The following SIAH3 variants were observed in gnomAD, a reference collection of about 807,000 sequenced individuals.
SIAH3 encodes seven in absentia homolog 3.
In SIAH3, 9 loss-of-function variants were observed where a neutral mutation model predicts 12.6. That is an observed-to-expected ratio of 0.72 (90% confidence interval 0.43 to 1.25). The LOEUF (loss-of-function observed/expected upper bound fraction) is 1.25. Ranked by LOEUF, SIAH3 falls within the 50% of genes most tolerant of loss-of-function variation. The probability of loss-of-function intolerance (pLI) is 0.00; values close to 1 mark genes in which losing one functional copy is unlikely to be tolerated. For missense variants in SIAH3, 390 were observed against 365.4 expected, an observed-to-expected ratio of 1.07 and a Z score of -0.55; for synonymous variants, 154 against 151.1, an observed-to-expected ratio of 1.02 and a Z score of -0.14.
At chr13:45,840,667 C>T (rs905662088) in intron 1 of SIAH3, among the ~76,000 whole-genome samples, 5 of 152,104 alleles carry the variant, frequency 3.3e-5, no homozygotes, top group Admixed American at 6.5e-5. Context: ...TTGCCCACCC[C>T]GAGCCGGAGC....
At chr13:45,794,138 G>A (rs549268232) in intron 1 of SIAH3, among the ~76,000 whole-genome samples, 3 of 150,958 alleles carry the variant, frequency 2.0e-5, no homozygotes, top group Admixed American at 1.3e-4. Flanking sequence ...TGTCACCCAG[G>A]CTGGAGTACA....
intron 1 of SIAH3, among the ~76,000 whole-genome samples, chr13:45,835,188 A>C (rs1310129838): frequency 1.3e-5 from 2 of 152,172 alleles, no homozygotes; most frequent in Non-Finnish European, 2.9e-5. Flanking sequence ...AAAAAAGCCA[A>C]ACTTTGGTAT....
chr13:45,830,159 ACAGT>A, intron 1 of SIAH3, among the ~76,000 whole-genome samples: 1 of 152,326 alleles, frequency 6.6e-6, no homozygotes, highest in Admixed American at 6.5e-5. Flanking sequence ...TCCCTTGGAA[ACAGT>A]CAGCTGTAGC....
intron 1 of SIAH3, among the ~76,000 whole-genome samples, chr13:45,819,678 G>A (rs942480015): frequency 2.0e-5 from 3 of 152,094 alleles, no homozygotes; most frequent in Non-Finnish European, 2.9e-5. Flanking sequence ...CCTGCATGTC[G>A]GAGGGCTGGC....
chr13:45,789,873 C>G (rs1295437113), intron 1 of SIAH3, among the ~76,000 whole-genome samples: 1 of 152,172 alleles, frequency 6.6e-6, no homozygotes, highest in Non-Finnish European at 1.5e-5. Context: ...TCAGATGCTG[C>G]TAGTTAACAC....
chr13:45,806,614 G>A (rs141131721), intron 1 of SIAH3, among the ~76,000 whole-genome samples: 8 of 152,276 alleles, frequency 5.3e-5, no homozygotes, highest in South Asian at 2.1e-4. Context: ...TATCTATTGC[G>A]TGCTATGCTC....
intron 1 of SIAH3, among the ~76,000 whole-genome samples, chr13:45,841,305 T>G (rs980450367): frequency 2.0e-5 from 3 of 152,250 alleles, no homozygotes; most frequent in African/African-American, 7.2e-5. Context: ...GTTATTGATC[T>G]ACATTTGGTT....
intron 1 of SIAH3, among the ~76,000 whole-genome samples, chr13:45,838,558 C>T (rs1950727359): frequency 6.6e-6 from 1 of 152,128 alleles, no homozygotes; most frequent in African/African-American, 2.4e-5. Context: ...TGCCCCCAGG[C>T]CACCACGCTG....
At position 45,783,614 on chromosome 13, in the gene SIAH3, G is replaced by C. The variant is rs754676682; in HGVS notation, c.579C>G (p.Pro193=). 12 of 1,614,098 alleles carry C rather than the reference G, an allele frequency of 7.4e-6. No individual in the cohort carries two copies. The highest frequency in any genetic ancestry group is 9.3e-6 in the Non-Finnish European group (11 of 1,180,032). The part of the protein sequence containing the change: ...FFATMMLIGT[P]TQADCFTYRL... ...GATAGGTGAAGCAGTCGGCCTGGGT[G>C]GGGGTCCCAATCAGCATCATGGTGG... The change falls in exon 2 of 2, where the codon CCC becomes CCG. Residue 193 remains proline, a synonymous_variant. Coordinates refer to ENST00000400405, the MANE Select transcript of SIAH3 (RefSeq NM_198849.3).
chr13:45,807,117 C>A (rs1331320640), intron 1 of SIAH3, among the ~76,000 whole-genome samples: 1 of 151,870 alleles, frequency 6.6e-6, no homozygotes, highest in African/African-American at 2.4e-5. Context: ...TTATAGGAAA[C>A]AGTCACAGGC....
At chr13:45,819,454 G>T (rs755326314) in intron 1 of SIAH3, among the ~76,000 whole-genome samples, 1 of 152,080 alleles carries the variant, frequency 6.6e-6, no homozygotes, top group African/African-American at 2.4e-5. Context: ...AGTGGTGGTC[G>T]CTGAGGAAGA....
intron 1 of SIAH3, among the ~76,000 whole-genome samples, chr13:45,785,015 CTG>C (rs1272779230): frequency 6.6e-6 from 1 of 152,196 alleles, no homozygotes; most frequent in Non-Finnish European, 1.5e-5. Flanking sequence ...GTCATGAAGA[CTG>C]TGATTCATAT....
intron 1 of SIAH3, among the ~76,000 whole-genome samples, chr13:45,785,901 G>A (rs892085764): frequency 1.3e-5 from 2 of 152,224 alleles, no homozygotes; most frequent in East Asian, 1.9e-4. Flanking sequence ...TGCTAGTGAT[G>A]AGTCTGACTT....
At chr13:45,806,431 C>A (rs1031345424) in intron 1 of SIAH3, among the ~76,000 whole-genome samples, 2 of 152,114 alleles carry the variant, frequency 1.3e-5, no homozygotes, top group African/African-American at 4.8e-5. Context: ...ATGGATGGAG[C>A]TAGAGGCCAT....
intron 1 of SIAH3, among the ~76,000 whole-genome samples, chr13:45,795,423 G>A (rs1325653): frequency 0.52 from 79,775 of 152,112 alleles, 22,178 homozygotes; most frequent in African/African-American, 0.65. Flanking sequence ...TTGTATGAGA[G>A]TTTCCCAGCA....
In SIAH3 at chr13:45,779,915, T is replaced by C. The variant is rs1266596405; in HGVS notation, c.*3468A>G. The C allele has an allele frequency of 1.3e-5, 2 of 152,220 alleles. No homozygotes were observed. The highest frequency in any genetic ancestry group is 2.9e-5 in the Non-Finnish European group (2 of 68,048). 9.4% of individuals were successfully genotyped at this position (152,220 alleles called of 1,614,324 possible). On this transcript the variant is annotated 3_prime_UTR_variant, in exon 2 of 2. Transcript: ENST00000400405. ...CTGACCTCCATTTCGGCGTCAACCA[T>C]GTATGTAGGCTCAGCCTCAAGGGGA...
At chr13:45,838,319 C>T (rs1361928195) in intron 1 of SIAH3, among the ~76,000 whole-genome samples, 1 of 152,214 alleles carries the variant, frequency 6.6e-6, no homozygotes, top group East Asian at 1.9e-4. Flanking sequence ...TTTCTAATTT[C>T]TCTCCGATTC....
At position 45,851,601 on chromosome 13, in the gene SIAH3, G is replaced by GC; in HGVS notation, c.28dup (p.Ala10GlyfsTer16). The GC allele has an allele frequency of 6.2e-7, 1 of 1,614,222 alleles. No individual in the cohort carries two copies. Among genetic ancestry groups the GC allele is most frequent in the Non-Finnish European group, 8.5e-7 (1 of 1,180,048 alleles). ...CCGGAGATGAATGAGATCTAATACA[G>GC]CCCCAAAGCACTGGGTAAAGAAAAG... On this transcript the variant is annotated frameshift_variant, in exon 1 of 2. Coordinates refer to ENST00000400405, the MANE Select transcript of SIAH3 (RefSeq NM_198849.3). LOFTEE classifies it high-confidence loss of function.
At position 45,781,532 on chromosome 13, in the gene SIAH3, A is replaced by G. The variant is rs899996332; in HGVS notation, c.*1851T>C. On this transcript the variant is annotated 3_prime_UTR_variant, in exon 2 of 2. Coordinates refer to ENST00000400405, the MANE Select transcript of SIAH3 (RefSeq NM_198849.3). ...GAGCTCAAAGAATGCGCAGGCCCCA[A>G]TCCTTTTTTGCGACTGCAGCATCTG... 4.6e-5 allele frequency: 7 copies of G among 152,252 alleles called. No homozygotes were observed. Among genetic ancestry groups the G allele is most frequent in the South Asian group, 2.1e-4 (1 of 4,822 alleles). 9.4% of individuals were successfully genotyped at this position (152,252 alleles called of 1,614,324 possible).
Sources: gnomAD v4.1 joint callset for allele counts (sites outside exome capture counted in the v4.1 genomes callset) on GRCh38, gnomAD v4.1.1 for gene constraint, MANE v1.5 for transcripts, NCBI Gene and HGNC (gene_info 2026-07-23, HGNC 2026-07-21) for gene names.